The following KPNA1 variants were observed in gnomAD, a reference collection of about 807,000 sequenced individuals.
KPNA1 encodes the protein karyopherin subunit alpha 1.
In KPNA1, 10 loss-of-function variants were observed where a neutral mutation model predicts 70.5. That is an observed-to-expected ratio of 0.14 (90% CI 0.09 to 0.24). The LOEUF is 0.24. KPNA1 is among the 10% of genes least tolerant of loss of function. The pLI, the probability that KPNA1 is intolerant of heterozygous loss-of-function variation, is 1.00. For synonymous variants in KPNA1, 192 were observed against 221.9 expected (o/e 0.87, Z 1.20); for missense variants, 397 against 637.9 (o/e 0.62, Z 4.07).
At position 122,452,253 on chromosome 3, in the gene KPNA1, G is replaced by T. The variant is rs568683328; in HGVS notation, c.565-189C>A. Reference sequence around the variant, plus strand: ...AAGGTATTCGGTTTATTAAAGGAAAGAACTAATTCATTTTTGTTTGTTTTT... The same window carrying T: ...AAGGTATTCGGTTTATTAAAGGAAATAACTAATTCATTTTTGTTTGTTTTT... On this transcript the variant is annotated intron_variant, in intron 6 of 13. Coordinates refer to ENST00000344337, the MANE Select transcript of KPNA1 (RefSeq NM_002264.4). Among the ~76,000 whole-genome samples, 14 of 152,156 alleles carry T rather than the reference G, an allele frequency of 9.2e-5. No homozygotes were observed. In the East Asian group the frequency reaches 2.5e-3, roughly 27 times the overall value.
intron 1 of KPNA1, among the ~76,000 whole-genome samples, chr3:122,513,077 CG>C (rs1459150079): frequency 2.0e-5 from 3 of 152,072 alleles, no homozygotes; most frequent in African/African-American, 7.2e-5. Flanking sequence ...GCTGATTGAA[CG>C]GATTAAATAA....
At chr3:122,476,560 A>AAT (rs1411785247) in intron 2 of KPNA1, among the ~76,000 whole-genome samples, 3 of 152,160 alleles carry the variant, frequency 2.0e-5, no homozygotes, top group African/African-American at 7.2e-5. Context: ...GGAACTCAAA[A>AAT]ATAACTCAAT....
intron 5 of KPNA1, chr3:122,460,361 G>A (rs1255612282): frequency 3.1e-6 from 3 of 980,694 alleles, no homozygotes; most frequent in East Asian, 2.3e-4. Flanking sequence ...TACTTGGCTG[G>A]GAGCAGTGGC....
chr3:122,492,215 C>T (rs1433881137), intron 2 of KPNA1, among the ~76,000 whole-genome samples: 2 of 152,194 alleles, frequency 1.3e-5, no homozygotes, highest in East Asian at 3.8e-4. Context: ...AAAACAAACA[C>T]AAGATTTGTG....
intron 8 of KPNA1, among the ~76,000 whole-genome samples, chr3:122,451,034 C>A (rs1444728334): frequency 6.6e-6 from 1 of 152,148 alleles, no homozygotes; most frequent in African/African-American, 2.4e-5. Flanking sequence ...GGACTACACA[C>A]TGGGTACAGC....
intron 2 of KPNA1, among the ~76,000 whole-genome samples, chr3:122,494,633 T>C (rs1383798491): frequency 6.6e-6 from 1 of 152,190 alleles, no homozygotes; most frequent in Admixed American, 6.5e-5. Context: ...TGGTTCTGTA[T>C]GAATCCTAGG....
intron 9 of KPNA1, among the ~76,000 whole-genome samples, chr3:122,443,411 C>G (rs1398186781): frequency 6.6e-6 from 1 of 152,210 alleles, no homozygotes; most frequent in East Asian, 1.9e-4. Context: ...ACAACTTCTA[C>G]AGATGTAAAC....
chr3:122,476,861 CAAAAAAAAAAA>C (rs144118691), intron 2 of KPNA1, among the ~76,000 whole-genome samples: 4 of 65,490 alleles, frequency 6.1e-5, no homozygotes, highest in African/African-American at 1.7e-4. Flanking sequence ...GGAGGTTCCA[CAAAAAAAAAAA>C]AAAAAAAAAA....
intron 10 of KPNA1, 92 bp downstream of exon 10, chr3:122,441,946 T>G: frequency 1.0e-6 from 1 of 972,038 alleles, no homozygotes; most frequent in Admixed American, 1.9e-5. Flanking sequence ...GTTTCCCTAA[T>G]AATATGGAGT....
Position 122,514,074 on chromosome 3 carries a change from C to G in KPNA1, c.-6+683G>C, listed in dbSNP as rs553617843. 2.6e-5 allele frequency among the ~76,000 whole-genome samples: 4 copies of G among 152,354 alleles called. No individual in the cohort carries two copies. In the South Asian group the frequency reaches 8.3e-4, roughly 32 times the overall value. On this transcript the variant is annotated intron_variant, in intron 1 of 13. Coordinates refer to ENST00000344337, the MANE Select transcript of KPNA1 (RefSeq NM_002264.4). ...TTCCTCCTCCCGTTTTGAGCTTAAT[C>G]CGATACCTCGCTGCTTCCCTCGCAT...
rs758195008 is a variant in KPNA1, at chr3:122,422,909, T to G, written c.*4076A>C. ...TGAAAACAGAACGGAACACTTCTTTTCTTTCTTCTTACCCCAAGCTTCCAG... is the reference window on the plus strand; with the variant it reads ...TGAAAACAGAACGGAACACTTCTTTGCTTTCTTCTTACCCCAAGCTTCCAG... On this transcript the variant is annotated 3_prime_UTR_variant, in exon 14 of 14. Coordinates refer to ENST00000344337, the MANE Select transcript of KPNA1 (RefSeq NM_002264.4). 1 of 152,244 alleles carries G rather than the reference T, an allele frequency of 6.6e-6. No individual in the cohort carries two copies. The highest frequency in any genetic ancestry group is 1.5e-5 in the Non-Finnish European group (1 of 68,034). The allele number at this position is 152,244 out of a possible 1,614,324, so 9.4% of individuals were successfully genotyped here.
At chr3:122,507,456 GA>G (rs1213648284) in intron 1 of KPNA1, among the ~76,000 whole-genome samples, 3 of 128,920 alleles carry the variant, frequency 2.3e-5, no homozygotes, top group Non-Finnish European at 5.2e-5. Flanking sequence ...AAAAAAAAAA[GA>G]AAAGAGAAGA....
intron 9 of KPNA1, among the ~76,000 whole-genome samples, chr3:122,446,237 T>C (rs147003736): frequency 7.9e-5 from 12 of 152,258 alleles, no homozygotes; most frequent in East Asian, 3.9e-4. Flanking sequence ...CAGCACCACA[T>C]TGTACTTATT....
intron 4 of KPNA1, among the ~76,000 whole-genome samples, chr3:122,462,087 A>G (rs1560033994): frequency 6.6e-6 from 1 of 152,178 alleles, no homozygotes; most frequent in South Asian, 2.1e-4. Flanking sequence ...CATGTCATTT[A>G]CCTGGTTGAA....
intron 1 of KPNA1, among the ~76,000 whole-genome samples, chr3:122,513,896 C>G (rs1193010490): frequency 6.6e-6 from 1 of 152,150 alleles, no homozygotes; most frequent in Non-Finnish European, 1.5e-5. Flanking sequence ...GAGACCCCAT[C>G]TCTTTAAAAT....
chr3:122,477,922 G>A (rs2076521439), intron 2 of KPNA1, among the ~76,000 whole-genome samples: 1 of 151,666 alleles, frequency 6.6e-6, no homozygotes, highest in Non-Finnish European at 1.5e-5. Flanking sequence ...CCAGCACTTT[G>A]GGTGGTCAAG....
intron 2 of KPNA1, among the ~76,000 whole-genome samples, chr3:122,478,282 C>T (rs2076527860): frequency 6.6e-6 from 1 of 152,020 alleles, no homozygotes; most frequent in South Asian, 2.1e-4. Flanking sequence ...GTCTTACATC[C>T]TTCGTTCACA....
intron 1 of KPNA1, among the ~76,000 whole-genome samples, chr3:122,503,147 C>T (rs1395288235): frequency 6.6e-6 from 1 of 151,908 alleles, no homozygotes; most frequent in Non-Finnish European, 1.5e-5. Context: ...CAGTAAACTC[C>T]AACAAAACCA....
chr3:122,448,404 T>TACACACGGA (rs2076164167), intron 9 of KPNA1, among the ~76,000 whole-genome samples: 2 of 152,170 alleles, frequency 1.3e-5, no homozygotes, highest in Non-Finnish European at 2.9e-5. Flanking sequence ...CACGGAATAC[T>TACACACGGA]ATGCAGCCAT....
Sources: gnomAD v4.1 joint callset for allele counts (sites outside exome capture counted in the v4.1 genomes callset) on GRCh38, gnomAD v4.1.1 for gene constraint, MANE v1.5 for transcripts, NCBI Gene and HGNC (gene_info 2026-07-23, HGNC 2026-07-21) for gene names.